Variants in GDAP1 observed in about 807,000 individuals in gnomAD.
GDAP1 encodes ganglioside-induced differentiation-associated protein 1.
In GDAP1, 34 loss-of-function variants were observed where a neutral mutation model predicts 40.1. The ratio of observed to expected loss-of-function variants is 0.85; its 90% CI spans 0.64 to 1.13. The LOEUF is 1.13. GDAP1 is among the 50% of genes most tolerant of loss of function. The pLI is 0.00. For missense variants in GDAP1, 374 were observed against 433.7 expected, an observed-to-expected ratio of 0.86 and a Z score of 1.22; for synonymous variants, 170 against 157.4, an observed-to-expected ratio of 1.08 and a Z score of -0.60.
In GDAP1 at chr8:74,377,417, TAGTC is replaced by T. The variant is rs777155265; in HGVS notation, c.165+26100_165+26103del. ...ATGCTTCACAAAGAGGATATGTGAA[TAGTC>T]AGTAAGAATACACAAAAATGCTCAA... is the stretch of plus-strand genomic sequence containing the variant. On this transcript the variant is annotated intron_variant, in intron 2 of 2. Coordinates refer to the GDAP1 transcript ENST00000523640. 5.3e-5 allele frequency among the ~76,000 whole-genome samples: 8 copies of T among 152,232 alleles called. 1 individual carries two copies. Among genetic ancestry groups the T allele is most frequent in the African/African-American group, 1.4e-4 (6 of 41,464 alleles).
intron 2 of GDAP1, among the ~76,000 whole-genome samples, chr8:74,449,104 C>G (rs991263208): frequency 6.6e-6 from 1 of 151,680 alleles, no homozygotes; most frequent in Non-Finnish European, 1.5e-5. Flanking sequence ...ATTAAAAAAC[C>G]TTTCCTCCCC....
intron 2 of GDAP1, among the ~76,000 whole-genome samples, chr8:74,476,485 A>G (rs1031239684): frequency 6.6e-6 from 1 of 152,198 alleles, no homozygotes; most frequent in Admixed American, 6.5e-5. Flanking sequence ...TGGTGGTAAC[A>G]AATTCCTTCA....
intron 2 of GDAP1, among the ~76,000 whole-genome samples, chr8:74,460,593 C>A (rs540710927): frequency 3.9e-5 from 6 of 152,282 alleles, no homozygotes; most frequent in African/African-American, 1.4e-4. Context: ...TAATACTGAA[C>A]AGCAGGAACA....
intron 2 of GDAP1, among the ~76,000 whole-genome samples, chr8:74,487,132 A>T (rs1806786044): frequency 6.6e-6 from 1 of 152,170 alleles, no homozygotes; most frequent in Non-Finnish European, 1.5e-5. Flanking sequence ...CACATGGTAA[A>T]CCCTTGATTA....
chr8:74,375,961 T>G (rs758191797), intron 2 of GDAP1, among the ~76,000 whole-genome samples: 2 of 152,254 alleles, frequency 1.3e-5, no homozygotes, highest in African/African-American at 2.4e-5. Context: ...TCAATTGTTG[T>G]ATTTGCACTA....
At chr8:74,378,297 T>A (rs113614326) in intron 2 of GDAP1, among the ~76,000 whole-genome samples, 2,759 of 152,212 alleles carry the variant, frequency 0.018, 20 homozygotes, top group South Asian at 0.043. Context: ...ACCCCACATG[T>A]AGGTTAGATG....
At chr8:74,388,965 G>A (rs889156388) in intron 2 of GDAP1, among the ~76,000 whole-genome samples, 23 of 152,030 alleles carry the variant, frequency 1.5e-4, no homozygotes, top group Admixed American at 2.0e-4. Flanking sequence ...ATCTTTGTTG[G>A]TTTAAAGTCT....
At chr8:74,392,162 C>A (rs73347286) in intron 2 of GDAP1, among the ~76,000 whole-genome samples, 2 of 152,194 alleles carry the variant, frequency 1.3e-5, no homozygotes, top group South Asian at 4.2e-4. Context: ...AGATACAGGG[C>A]GCAATAAAAT....
At chr8:74,398,797 T>C (rs1414031017) in intron 2 of GDAP1, among the ~76,000 whole-genome samples, 1 of 152,052 alleles carries the variant, frequency 6.6e-6, no homozygotes, top group Admixed American at 6.5e-5. Context: ...TCTGCATCTA[T>C]TGAGATAATC....
At chr8:74,378,505 G>C (rs1809897751) in intron 2 of GDAP1, among the ~76,000 whole-genome samples, 1 of 152,154 alleles carries the variant, frequency 6.6e-6, no homozygotes, top group Admixed American at 6.5e-5. Flanking sequence ...GAGTCTAAGG[G>C]CAGTACTGGG....
At chr8:74,398,926 T>C (rs922265692) in intron 2 of GDAP1, among the ~76,000 whole-genome samples, 2 of 152,154 alleles carry the variant, frequency 1.3e-5, no homozygotes, top group African/African-American at 4.8e-5. Flanking sequence ...ATAAGCTTTT[T>C]GATGTGCTGC....
intron 2 of GDAP1, among the ~76,000 whole-genome samples, chr8:74,465,009 C>A (rs928687533): frequency 1.3e-5 from 2 of 152,058 alleles, no homozygotes; most frequent in African/African-American, 4.8e-5. Flanking sequence ...TGCTTGAGCT[C>A]AGGAGTTCGA....
chr8:74,404,526 A>G (rs1281220498), intron 2 of GDAP1, among the ~76,000 whole-genome samples: 1 of 149,764 alleles, frequency 6.7e-6, no homozygotes, highest in Non-Finnish European at 1.5e-5. Flanking sequence ...GATGTAGAAA[A>G]GCTGAGTCAC....
At chr8:74,389,567 C>T (rs1810076814) in intron 2 of GDAP1, among the ~76,000 whole-genome samples, 1 of 152,162 alleles carries the variant, frequency 6.6e-6, no homozygotes, top group Admixed American at 6.5e-5. Context: ...ATGGACTTCC[C>T]TTTGTAGGTA....
chr8:74,394,229 C>T (rs1407764085), intron 2 of GDAP1, among the ~76,000 whole-genome samples: 1 of 152,178 alleles, frequency 6.6e-6, no homozygotes, highest in African/African-American at 2.4e-5. Flanking sequence ...TCTTATGAGA[C>T]TTATTCACTA....
chr8:74,432,112 C>T (rs1019761068), intron 2 of GDAP1, among the ~76,000 whole-genome samples: 26 of 152,260 alleles, frequency 1.7e-4, no homozygotes, highest in African/African-American at 6.3e-4. Context: ...CTCTCTCCCT[C>T]TGAGATCATG....
At chr8:74,419,767 T>G (rs1805832389) in intron 2 of GDAP1, among the ~76,000 whole-genome samples, 1 of 152,222 alleles carries the variant, frequency 6.6e-6, no homozygotes, top group South Asian at 2.1e-4. Flanking sequence ...CTCTGTTTTC[T>G]TCTAGGGGTT....
Position 74,409,475 on chromosome 8 carries a change from C to T in GDAP1, c.165+58154C>T, listed in dbSNP as rs192020101. 2.5e-4 allele frequency among the ~76,000 whole-genome samples: 38 copies of T among 149,868 alleles called. 1 individual carries two copies. The East Asian group carries it at 2.9e-3, about 11-fold the overall frequency. On this transcript the variant is annotated intron_variant, in intron 2 of 2. Transcript: ENST00000523640. ...CAAGCGATTCTCCTGCCCCAGCCTC[C>T]GGAGTAGCTGGGATTACAGGCATGC...
chr8:74,405,726 T>A (rs1805629401), intron 2 of GDAP1, among the ~76,000 whole-genome samples: 1 of 150,198 alleles, frequency 6.7e-6, no homozygotes, highest in Admixed American at 6.6e-5. Context: ...AAACCCATCT[T>A]GAATAGCAGA....
Sources: gnomAD v4.1 joint callset for allele counts (sites outside exome capture counted in the v4.1 genomes callset) on GRCh38, gnomAD v4.1.1 for gene constraint, MANE v1.5 for transcripts, NCBI Gene and HGNC (gene_info 2026-07-23, HGNC 2026-07-21) for gene names.